The following WNT7B variants were observed in gnomAD, a reference collection of about 807,000 sequenced individuals.
The protein encoded by WNT7B is Wnt family member 7B, also known as protein Wnt-7b.
In WNT7B, 19 loss-of-function variants were observed where a neutral mutation model predicts 38.2. The observed-to-expected ratio is 0.50, with a 90% CI of 0.35 to 0.73. The LOEUF is 0.73. Ranked by LOEUF, WNT7B falls within the 30% of genes least tolerant of loss-of-function variation. WNT7B has a pLI of 0.01. For synonymous variants in WNT7B, 243 were observed against 209.3 expected, an observed-to-expected ratio of 1.16 and a Z score of -1.39; for missense variants, 423 against 507.9, an observed-to-expected ratio of 0.83 and a Z score of 1.61.
At chr22:45,952,915 G>A (rs527715216) in intron 1 of WNT7B, among the ~76,000 whole-genome samples, 46 of 152,320 alleles carry the variant, frequency 3.0e-4, no homozygotes, top group Middle Eastern at 3.4e-3. Context: ...GTCTGGCCTC[G>A]GAAGACCCCG....
Position 45,977,018 on chromosome 22 carries a change from C to A in WNT7B, c.-264G>T, listed in dbSNP as rs1932567123. 1.0e-6 allele frequency: 1 copy of A among 985,306 alleles called. No homozygotes were observed. Among genetic ancestry groups the A allele is most frequent in the African/African-American group, 1.8e-5 (1 of 57,118 alleles). 61.0% of individuals were successfully genotyped at this position (985,306 alleles called of 1,614,324 possible). A position where few individuals can be genotyped will look rare whatever the true frequency, so the allele number is the denominator to read the frequency against. On this transcript the variant is annotated 5_prime_UTR_variant, in exon 1 of 4. Transcript: ENST00000339464. ...CGAAGCCCGGTTGAGCGACCGTGGA[C>A]CCCTGCAAGCGCGGGCCGGGGGCCC...
At position 45,927,527 on chromosome 22, in the gene WNT7B, TC is replaced by T; in HGVS notation, c.570+3570del. The T allele has an allele frequency of 2.6e-6, 4 of 1,527,388 alleles. No homozygotes were observed. In the South Asian group the frequency reaches 4.8e-5, roughly 18 times the overall value. 94.6% of individuals were successfully genotyped at this position (1,527,388 alleles called of 1,614,324 possible). ...GGAAGTAGGGCCTTTACAGATGTGG[TC>T]AAGGAAACAACGGAGAGGAGGTCAC... is the stretch of plus-strand genomic sequence containing the variant. On this transcript the variant is annotated intron_variant, in intron 3 of 3. Coordinates refer to ENST00000339464, the MANE Select transcript of WNT7B (RefSeq NM_058238.3).
In WNT7B at chr22:45,922,320, A is replaced by C; in HGVS notation, c.*536T>G. ...ACAGAGTACGGAGTTAGGACTGGCT[A>C]TGTGTTAGTGCCGAGAATCCTCTTC... On this transcript the variant is annotated 3_prime_UTR_variant, in exon 4 of 4. Coordinates refer to ENST00000339464, the MANE Select transcript of WNT7B (RefSeq NM_058238.3). The C allele has an allele frequency of 6.4e-6, 1 of 155,900 alleles. No homozygotes were observed. The highest frequency in any genetic ancestry group is 1.4e-5 in the Non-Finnish European group (1 of 70,270). 9.7% of individuals were successfully genotyped at this position (155,900 alleles called of 1,614,324 possible). A position where few individuals can be genotyped will look rare whatever the true frequency, so the allele number is the denominator to read the frequency against.
At chr22:45,952,427 C>A (rs1931955336) in intron 1 of WNT7B, among the ~76,000 whole-genome samples, 1 of 152,212 alleles carries the variant, frequency 6.6e-6, no homozygotes, top group South Asian at 2.1e-4. Context: ...GCAGAAAAGC[C>A]CCAGGCTGGC....
chr22:45,957,723 G>A (rs113973733), intron 1 of WNT7B, among the ~76,000 whole-genome samples: 13,264 of 106,718 alleles, frequency 0.12, 846 homozygotes, highest in African/African-American at 0.22. Flanking sequence ...CAGAAAACAC[G>A]CTTCAAAATT....
At chr22:45,974,866 A>G (rs1406781794) in intron 1 of WNT7B, among the ~76,000 whole-genome samples, 2 of 152,136 alleles carry the variant, frequency 1.3e-5, no homozygotes, top group Non-Finnish European at 2.9e-5. Context: ...AGAAGGGACC[A>G]GGAGGCTTGG....
rs79720274 is a variant in WNT7B at position 45,942,827 on chromosome 22, C to T, written c.298+7093G>A. Among the ~76,000 whole-genome samples, 35 of 152,208 alleles carry T rather than the reference C, an allele frequency of 2.3e-4. No individual in the cohort carries two copies. In the East Asian group the frequency reaches 5.4e-3, roughly 24 times the overall value. On this transcript the variant is annotated intron_variant, in intron 2 of 3. Coordinates refer to ENST00000339464, the MANE Select transcript of WNT7B (RefSeq NM_058238.3). ...AGGCCTGGACCCTGGGCCTCATGGTCCTGGCCTGGGTGCAGCCTGAGTGGG... is the reference window on the plus strand; with the variant it reads ...AGGCCTGGACCCTGGGCCTCATGGTTCTGGCCTGGGTGCAGCCTGAGTGGG...
intron 1 of WNT7B, among the ~76,000 whole-genome samples, chr22:45,962,057 G>A (rs564781108): frequency 3.3e-4 from 50 of 152,184 alleles, no homozygotes; most frequent in African/African-American, 1.2e-3. Context: ...CGCCCCCGGC[G>A]GGCGGCTGCC....
intron 3 of WNT7B, chr22:45,926,163 C>T: frequency 2.0e-6 from 2 of 985,440 alleles, no homozygotes; most frequent in Non-Finnish European, 2.4e-6. Context: ...GGGTCAGAGC[C>T]TCTCCCAGGA....
chr22:45,954,221 TAG>T (rs59553510), intron 1 of WNT7B, among the ~76,000 whole-genome samples: 23,316 of 151,522 alleles, frequency 0.15, 1,876 homozygotes, highest in Middle Eastern at 0.23. Context: ...TCCATCGAGA[TAG>T]AAAGTAGAAA....
In WNT7B at chr22:45,975,441, C is replaced by A; in HGVS notation, c.71+1243G>T. 1.5e-6 allele frequency: 1 copy of A among 661,950 alleles called. No homozygotes were observed. Among genetic ancestry groups the A allele is most frequent in the South Asian group, 1.6e-5 (1 of 61,322 alleles). 41.0% of individuals were successfully genotyped at this position (661,950 alleles called of 1,614,324 possible). On this transcript the variant is annotated intron_variant, in intron 1 of 3. Coordinates refer to ENST00000339464, the MANE Select transcript of WNT7B (RefSeq NM_058238.3). This position sits in a 1 kb window ranked among gnomAD's most constrained non-coding sequence, Gnocchi z 6.6. ...ACGGGGCTACCGGCAGCCGCAGACA[C>A]GCCCGCCCAGACCTGCAGGGCTCAG...
chr22:45,930,952 A>T, intron 3 of WNT7B, 146 bp downstream of exon 3: 1 of 1,139,776 alleles, frequency 8.8e-7, no homozygotes, highest in Non-Finnish European at 1.2e-6. Context: ...AGAGCCATGC[A>T]CGTGGAGGAC....
At chr22:45,961,129 C>T (rs569835278) in intron 1 of WNT7B, among the ~76,000 whole-genome samples, 3 of 152,356 alleles carry the variant, frequency 2.0e-5, no homozygotes, top group Non-Finnish European at 4.4e-5. Flanking sequence ...GGAAGGGACG[C>T]ATTGCAGCCC....
intron 3 of WNT7B, 66 bp downstream of exon 3, chr22:45,931,032 C>A (rs990811913): frequency 1.1e-5 from 17 of 1,490,302 alleles, no homozygotes; most frequent in Non-Finnish European, 1.5e-5. Flanking sequence ...GCCTGAGGCT[C>A]CGAGAGGTCA....
At position 45,922,145 on chromosome 22, in the gene WNT7B, G is replaced by A. The variant is rs1930945876; in HGVS notation, c.*711C>T. The A allele has an allele frequency of 6.6e-6, 1 of 152,298 alleles. No homozygotes were observed. The highest frequency in any genetic ancestry group is 1.5e-5 in the Non-Finnish European group (1 of 68,108). 9.4% of individuals were successfully genotyped at this position (152,298 alleles called of 1,614,324 possible). A position where few individuals can be genotyped will look rare whatever the true frequency, so the allele number is the denominator to read the frequency against. On this transcript the variant is annotated 3_prime_UTR_variant, in exon 4 of 4. Transcript: ENST00000339464. Reference sequence around the variant, plus strand: ...TCCAAGGCCCGGTCAGGGCTGTGTGGTCTGAAGAGCCCCTGCCCAGCTCAC... The same window carrying A: ...TCCAAGGCCCGGTCAGGGCTGTGTGATCTGAAGAGCCCCTGCCCAGCTCAC...
chr22:45,959,708 G>C (rs111631581), intron 1 of WNT7B, among the ~76,000 whole-genome samples: 1 of 152,026 alleles, frequency 6.6e-6, no homozygotes, highest in African/African-American at 2.4e-5. Context: ...CCGCTCTCCC[G>C]CCTCGCTCTG....
At chr22:45,954,043 T>C (rs900975360) in intron 1 of WNT7B, among the ~76,000 whole-genome samples, 2 of 152,212 alleles carry the variant, frequency 1.3e-5, no homozygotes, top group African/African-American at 4.8e-5. Context: ...AAACCAAATG[T>C]GGTCCATCTA....
chr22:45,927,485 G>C (rs936274134), intron 3 of WNT7B: 4 of 1,549,624 alleles, frequency 2.6e-6, no homozygotes, highest in Middle Eastern at 1.7e-4. Flanking sequence ...TCAGAGCCTC[G>C]GCAAGTGACT....
intron 2 of WNT7B, among the ~76,000 whole-genome samples, chr22:45,939,055 G>C (rs1380791217): frequency 6.6e-6 from 1 of 152,230 alleles, no homozygotes; most frequent in Non-Finnish European, 1.5e-5. Flanking sequence ...CCCACAGTGA[G>C]ATGCCACTTC....
Sources: allele counts gnomAD v4.1 joint callset (sites outside exome capture counted in the v4.1 genomes callset), GRCh38; gene constraint gnomAD v4.1.1; non-coding constraint Gnocchi (gnomAD v3.1); transcripts MANE v1.5; gene names NCBI Gene and HGNC (gene_info 2026-07-23, HGNC 2026-07-21).